Variants in NRG3 observed in about 807,000 individuals in gnomAD.
NRG3 encodes the protein neuregulin 3.
A neutral mutation model predicts 66.9 loss-of-function variants in NRG3; 31 were observed. The ratio of observed to expected loss-of-function variants is 0.46; its 90% CI spans 0.35 to 0.63. The LOEUF is 0.63. Among genes scored for constraint, NRG3 ranks in the 20% least tolerant of loss-of-function variants. The probability of loss-of-function intolerance (pLI) is 0.00; values close to 1 mark genes in which losing one functional copy is unlikely to be tolerated. For synonymous variants in NRG3, 393 were observed against 359.4 expected (o/e 1.09, Z -1.06); for missense variants, 910 against 878.9 (o/e 1.04, Z -0.45).
intron 5 of NRG3, among the ~76,000 whole-genome samples, chr10:82,956,119 C>G (rs867704110): frequency 4.6e-5 from 7 of 151,976 alleles, no homozygotes; most frequent in Middle Eastern, 6.8e-3. Context: ...TCTGCCTTCC[C>G]AGGAGCCCAA....
At chr10:82,782,302 T>C (rs1031415993) in intron 3 of NRG3, among the ~76,000 whole-genome samples, 1 of 152,142 alleles carries the variant, frequency 6.6e-6, no homozygotes, top group Middle Eastern at 3.2e-3. Flanking sequence ...CTCAGCCCCT[T>C]CCCTTGTTCC....
intron 6 of NRG3, among the ~76,000 whole-genome samples, chr10:82,960,976 T>G (rs111472876): frequency 1.3e-5 from 2 of 152,192 alleles, no homozygotes; most frequent in Non-Finnish European, 2.9e-5. Flanking sequence ...CAAAGCCTGT[T>G]TGGTGGTCTC....
intron 2 of NRG3, among the ~76,000 whole-genome samples, chr10:82,552,105 G>A (rs1284509813): frequency 2.0e-5 from 3 of 152,072 alleles, no homozygotes; most frequent in African/African-American, 2.4e-5. Context: ...TTCAACAGGT[G>A]CAAAATGCAT....
intron 1 of NRG3, among the ~76,000 whole-genome samples, chr10:82,061,848 C>T (rs2133238203): frequency 6.7e-6 from 1 of 148,870 alleles, no homozygotes; most frequent in South Asian, 2.1e-4. Flanking sequence ...CCCTTTCTCT[C>T]TCTCTCTCTC....
intron 1 of NRG3, among the ~76,000 whole-genome samples, chr10:82,278,832 C>T (rs1041275571): frequency 7.9e-5 from 12 of 152,108 alleles, no homozygotes; most frequent in Non-Finnish European, 1.6e-4. Flanking sequence ...CACCTCCTCA[C>T]GGAGCTCTCT....
intron 4 of NRG3, among the ~76,000 whole-genome samples, chr10:82,867,448 G>T (rs989464998): frequency 6.6e-6 from 1 of 152,178 alleles, no homozygotes; most frequent in African/African-American, 2.4e-5. Flanking sequence ...GGAACCCTGA[G>T]AGAACAGAGG....
chr10:82,385,139 C>A (rs2085893716), intron 2 of NRG3, among the ~76,000 whole-genome samples: 1 of 152,086 alleles, frequency 6.6e-6, no homozygotes, highest in South Asian at 2.1e-4. Flanking sequence ...TGTTCATGTC[C>A]TTTGCCCACA....
intron 2 of NRG3, among the ~76,000 whole-genome samples, chr10:82,671,412 C>T (rs2053262996): frequency 6.6e-6 from 1 of 152,308 alleles, no homozygotes; most frequent in Non-Finnish European, 1.5e-5. Flanking sequence ...AAGCAAGCAT[C>T]TTTGACTCCC....
intron 1 of NRG3, among the ~76,000 whole-genome samples, chr10:81,983,847 A>G (rs974381639): frequency 6.6e-6 from 1 of 152,228 alleles, no homozygotes; most frequent in Non-Finnish European, 1.5e-5. Context: ...CTGATCCCCA[A>G]AACTTGTGAA....
intron 1 of NRG3, among the ~76,000 whole-genome samples, chr10:82,025,064 T>C (rs1160717627): frequency 2.0e-5 from 3 of 152,020 alleles, no homozygotes; most frequent in Non-Finnish European, 2.9e-5. Context: ...TCCAGCACTC[T>C]TTGAAAAAAT....
At chr10:82,907,041 A>C (rs767553271) in intron 4 of NRG3, among the ~76,000 whole-genome samples, 35 of 152,156 alleles carry the variant, frequency 2.3e-4, no homozygotes, top group Non-Finnish European at 4.4e-4. Flanking sequence ...GTCAATACAA[A>C]CTGATTTGGG....
At chr10:82,847,101 AGCTGCCTTCGAATTGCAGGAAG>A (rs777753033) in intron 3 of NRG3, among the ~76,000 whole-genome samples, 15 of 152,242 alleles carry the variant, frequency 9.9e-5, no homozygotes, top group Non-Finnish European at 2.2e-4. Context: ...AAACTCATGC[AGCTGCCTTCGAATTGCAGGAAG>A]GCTGCTCTGT....
chr10:82,004,012 C>G (rs1057342884), intron 1 of NRG3, among the ~76,000 whole-genome samples: 4 of 151,048 alleles, frequency 2.6e-5, no homozygotes, highest in South Asian at 4.2e-4. Flanking sequence ...CACACACACA[C>G]ACACACACAC....
At chr10:82,804,654 A>C (rs868238577) in intron 3 of NRG3, among the ~76,000 whole-genome samples, 11 of 152,218 alleles carry the variant, frequency 7.2e-5, no homozygotes, top group Admixed American at 1.3e-4. Context: ...ATGAGAATGC[A>C]TATGTGAAGC....
rs1846756861 is a variant in NRG3 at position 82,924,230 on chromosome 10, A to G, written c.1055-27239A>G. Among the ~76,000 whole-genome samples, 8 of 152,134 alleles carry G rather than the reference A, an allele frequency of 5.3e-5. 1 individual carries two copies. In the South Asian group the frequency reaches 1.7e-3, roughly 32 times the overall value. ...TAGGTTTCCAGAACCCAAAAGGAGC[A>G]TTGGGAGTTTGTCACTGAGACCTCA... On this transcript the variant is annotated intron_variant, in intron 4 of 8. Transcript: ENST00000372141.
intron 1 of NRG3, among the ~76,000 whole-genome samples, chr10:81,884,689 A>G (rs936544335): frequency 2.6e-5 from 4 of 152,170 alleles, no homozygotes; most frequent in Admixed American, 6.5e-5. Flanking sequence ...ATACCAGGCC[A>G]TTTTATGTAA....
intron 2 of NRG3, among the ~76,000 whole-genome samples, chr10:82,391,649 C>A (rs141488601): frequency 8.3e-4 from 126 of 152,278 alleles, no homozygotes; most frequent in African/African-American, 2.7e-3. Context: ...ACCTTCCAAT[C>A]ATGCAGATGA....
At chr10:81,893,735 C>T (rs1459990718) in intron 1 of NRG3, among the ~76,000 whole-genome samples, 1 of 152,102 alleles carries the variant, frequency 6.6e-6, no homozygotes, top group Non-Finnish European at 1.5e-5. Context: ...CATTAGTTAA[C>T]TACTACTGTG....
intron 3 of NRG3, among the ~76,000 whole-genome samples, chr10:82,813,866 G>A (rs2061597372): frequency 6.6e-6 from 1 of 152,152 alleles, no homozygotes; most frequent in Non-Finnish European, 1.5e-5. Context: ...GCCCAAAGCT[G>A]TGTCTGAAGC....
Sources: allele counts gnomAD v4.1 joint callset (sites outside exome capture counted in the v4.1 genomes callset), GRCh38; gene constraint gnomAD v4.1.1; transcripts MANE v1.5; gene names NCBI Gene and HGNC (gene_info 2026-07-23, HGNC 2026-07-21).